DENND4C: variants seen among roughly 807,000 people sequenced by gnomAD.
DENND4C encodes DENN domain-containing protein 4C.
Under a neutral mutation model 203.0 loss-of-function variants are expected in DENND4C, and 108 were observed. The ratio of observed to expected loss-of-function variants is 0.53; its 90% CI spans 0.46 to 0.62. The LOEUF (loss-of-function observed/expected upper bound fraction) is 0.62, where lower values mean the gene tolerates loss of function less well. Among genes scored for constraint, DENND4C ranks in the 20% least tolerant of loss-of-function variants. The pLI is 0.00. For synonymous variants in DENND4C, 871 were observed against 792.4 expected (o/e 1.10, Z -1.67); for missense variants, 2,481 against 2,301.2 (o/e 1.08, Z -1.60).
At chr9:19,352,796 A>G in intron 26 of DENND4C, 131 bp downstream of exon 26, 1 of 572,502 alleles carries the variant, frequency 1.7e-6, no homozygotes, top group Non-Finnish European at 2.8e-6. Context: ...GTATTTGAGT[A>G]GCAAATACTA....
chr9:19,288,467 A>G (rs946631930), intron 3 of DENND4C, 129 bp from the exon 4 acceptor site: 3 of 450,392 alleles, frequency 6.7e-6, no homozygotes, highest in African/African-American at 2.0e-5. Flanking sequence ...TTTATACTGC[A>G]TAGTTCATTA....
intron 16 of DENND4C, among the ~76,000 whole-genome samples, chr9:19,328,689 ATCTATCTG>A (rs1818415806): frequency 2.7e-5 from 4 of 150,794 alleles, no homozygotes; most frequent in Non-Finnish European, 4.4e-5. Context: ...CTATCTATCT[ATCTATCTG>A]TCTATCTATC....
Position 19,319,430 on chromosome 9 carries a change from A to G in DENND4C, c.1807+2591A>G, listed in dbSNP as rs180728339. On this transcript the variant is annotated intron_variant, in intron 12 of 32. Coordinates refer to ENST00000434457, the MANE Select transcript of DENND4C (RefSeq NM_001330640.2). ...CACACATATATATATACATATATATATACACACATATATATATACATATAT... is the reference window on the plus strand; with the variant it reads ...CACACATATATATATACATATATATGTACACACATATATATATACATATAT... 5.6e-3 allele frequency among the ~76,000 whole-genome samples: 811 copies of G among 146,070 alleles called. 7 individuals carry two copies. The highest frequency in any genetic ancestry group is 9.9e-3 in the Non-Finnish European group (662 of 67,010).
intron 1 of DENND4C, among the ~76,000 whole-genome samples, chr9:19,274,713 T>G (rs1832513301): frequency 6.6e-6 from 1 of 152,234 alleles, no homozygotes; most frequent in South Asian, 2.1e-4. Flanking sequence ...TTATTTTACA[T>G]GGTATTTATG....
intron 1 of DENND4C, among the ~76,000 whole-genome samples, chr9:19,252,356 T>A (rs1588744797): frequency 1.3e-5 from 2 of 152,076 alleles, no homozygotes; most frequent in East Asian, 3.9e-4. Context: ...ATGTGGGAAT[T>A]GTGGGAGTTA....
chr9:19,336,937 T>A, intron 20 of DENND4C, 105 bp downstream of exon 20: 1 of 1,076,574 alleles, frequency 9.3e-7, no homozygotes, highest in Non-Finnish European at 1.3e-6. Flanking sequence ...ATGACTACTT[T>A]AAAAGTACTG....
At chr9:19,264,253 A>G (rs938914901) in intron 1 of DENND4C, among the ~76,000 whole-genome samples, 1 of 149,400 alleles carries the variant, frequency 6.7e-6, no homozygotes, top group African/African-American at 2.5e-5. Flanking sequence ...GGAATTTAGC[A>G]GTTTCTTCTA....
intron 26 of DENND4C, among the ~76,000 whole-genome samples, chr9:19,354,560 T>C (rs1407452441): frequency 6.8e-6 from 1 of 147,734 alleles, no homozygotes. Context: ...TTTTTTTTTT[T>C]TTTTTTTTTT....
intron 2 of DENND4C, among the ~76,000 whole-genome samples, chr9:19,285,576 C>CTTTTTT (rs61396893): frequency 1.5e-5 from 2 of 135,848 alleles, no homozygotes; most frequent in African/African-American, 2.7e-5. Context: ...GTCTTTGTGA[C>CTTTTTT]TTTTTTTTTT....
Position 19,328,018 on chromosome 9 carries a change from T to G in DENND4C, c.2121-12T>G. On this transcript the variant is annotated splice_polypyrimidine_tract_variant and intron_variant, in intron 15 of 32. Transcript: ENST00000434457. The stretch of plus-strand genomic sequence containing the variant: ...TTTTAAATCAGCAGTTCTATTTTTT[T>G]TTTTATTTTAGTTACAAATACTTTC... 2 of 1,581,468 alleles carry G rather than the reference T, an allele frequency of 1.3e-6. No homozygotes were observed. The highest frequency in any genetic ancestry group is 1.7e-6 in the Non-Finnish European group (2 of 1,170,876).
At chr9:19,298,975 AACCAATT>A (rs1183485719) in intron 7 of DENND4C, among the ~76,000 whole-genome samples, 1 of 152,156 alleles carries the variant, frequency 6.6e-6, no homozygotes, top group African/African-American at 2.4e-5. Flanking sequence ...ATTGTACTTT[AACCAATT>A]AAGTGAATCA....
intron 10 of DENND4C, among the ~76,000 whole-genome samples, chr9:19,312,722 C>G (rs779426974): frequency 3.9e-5 from 6 of 152,072 alleles, no homozygotes; most frequent in Non-Finnish European, 8.8e-5. Context: ...GCTTTATGTA[C>G]TTAATTAAGG....
chr9:19,298,182 G>A, intron 7 of DENND4C, 60 bp downstream of exon 7: 3 of 1,459,072 alleles, frequency 2.1e-6, no homozygotes, highest in Non-Finnish European at 2.9e-6. Flanking sequence ...AGTCATTGCA[G>A]AGTGGATTCT....
intron 12 of DENND4C, among the ~76,000 whole-genome samples, chr9:19,320,339 C>T (rs1301155946): frequency 6.6e-6 from 1 of 152,070 alleles, no homozygotes; most frequent in African/African-American, 2.4e-5. Context: ...GCTGGGATTA[C>T]AGGCGCGCAC....
At chr9:19,232,783 A>C (rs764929587) in intron 1 of DENND4C, among the ~76,000 whole-genome samples, 2 of 152,222 alleles carry the variant, frequency 1.3e-5, no homozygotes, top group African/African-American at 2.4e-5. Flanking sequence ...GCTACTTTCT[A>C]TAAAGAAACA....
intron 1 of DENND4C, among the ~76,000 whole-genome samples, chr9:19,258,902 G>C (rs1342890153): frequency 6.6e-6 from 1 of 152,038 alleles, no homozygotes; most frequent in Non-Finnish European, 1.5e-5. Context: ...TGATTTGCCT[G>C]CCTCGGCCTC....
At chr9:19,309,941 A>T (rs1189673231) in intron 10 of DENND4C, among the ~76,000 whole-genome samples, 1 of 152,134 alleles carries the variant, frequency 6.6e-6, no homozygotes. Context: ...GTGATATTTC[A>T]CTTCATTGGT....
intron 1 of DENND4C, among the ~76,000 whole-genome samples, chr9:19,252,419 T>TA (rs975590721): frequency 6.6e-6 from 1 of 151,542 alleles, no homozygotes; most frequent in African/African-American, 2.4e-5. Context: ...TCATCTACAT[T>TA]AAAAAAAAGA....
At chr9:19,235,038 C>T (rs1375906319) in intron 1 of DENND4C, among the ~76,000 whole-genome samples, 1 of 150,192 alleles carries the variant, frequency 6.7e-6, no homozygotes, top group Non-Finnish European at 1.5e-5. Flanking sequence ...GATCTCAGTT[C>T]ACTGCAACCT....
Sources: gnomAD v4.1 joint callset for allele counts (sites outside exome capture counted in the v4.1 genomes callset) on GRCh38, gnomAD v4.1.1 for gene constraint, MANE v1.5 for transcripts, NCBI Gene and HGNC (gene_info 2026-07-23, HGNC 2026-07-21) for gene names.